ADCK5: variants seen among roughly 807,000 people sequenced by gnomAD.
ADCK5 encodes the protein aarF domain containing kinase 5.
In ADCK5, 43 loss-of-function variants were observed where a neutral mutation model predicts 64.9. The ratio of observed to expected loss-of-function variants is 0.66; its 90% CI spans 0.52 to 0.85. ADCK5 has a LOEUF of 0.85. ADCK5 is among the 40% of genes least tolerant of loss of function. ADCK5 has a pLI of 0.00. For synonymous variants in ADCK5, 434 were observed against 342.8 expected, an observed-to-expected ratio of 1.27 and a Z score of -2.94; for missense variants, 760 against 810.5, an observed-to-expected ratio of 0.94 and a Z score of 0.76.
intron 1 of ADCK5, among the ~76,000 whole-genome samples, chr8:144,377,848 G>A (rs1211837650): frequency 6.6e-6 from 1 of 152,222 alleles, no homozygotes; most frequent in Non-Finnish European, 1.5e-5. Context: ...TGATTCCATG[G>A]CTGGGCACTG....
intron 2 of ADCK5, among the ~76,000 whole-genome samples, chr8:144,381,811 AACAGATGTGTGCTCAGGCCC>A: frequency 1.3e-5 from 1 of 78,946 alleles, no homozygotes; most frequent in East Asian, 4.8e-4. Context: ...CGGGTGTAGA[AACAGATGTGTGCTCAGGCCC>A]CTGCTGCACT....
In ADCK5 at chr8:144,376,464, C is replaced by T. The variant is rs1183789846; in HGVS notation, c.12+2357C>T. On this transcript the variant is annotated intron_variant, in intron 1 of 14. Coordinates refer to ENST00000308860, the MANE Select transcript of ADCK5 (RefSeq NM_174922.5). This position sits in a 1 kb window ranked among gnomAD's most constrained non-coding sequence, Gnocchi z 5.1. ...TAGGGTGATGGTGGCCCGGGGTCTACTGGAGGGATCTCTGTCCTGGATAAG... is the reference window on the plus strand; with the variant it reads ...TAGGGTGATGGTGGCCCGGGGTCTATTGGAGGGATCTCTGTCCTGGATAAG... Among the ~76,000 whole-genome samples, 1 of 152,166 alleles carries T rather than the reference C, an allele frequency of 6.6e-6. No homozygotes were observed. Among genetic ancestry groups the T allele is most frequent in the Non-Finnish European group, 1.5e-5 (1 of 68,026 alleles).
chr8:144,389,659 G>C (rs1055178607), intron 3 of ADCK5, among the ~76,000 whole-genome samples: 6 of 152,094 alleles, frequency 3.9e-5, no homozygotes, highest in African/African-American at 1.4e-4. Context: ...AGCCTCCTGA[G>C]TAGCTGGCAC....
chr8:144,392,892 G>A lies in ADCK5; in HGVS notation c.1637G>A (p.Arg546Lys). 2 of 1,601,582 alleles carry A rather than the reference G, an allele frequency of 1.2e-6. No individual in the cohort carries two copies. The highest frequency in any genetic ancestry group is 2.2e-5 in the South Asian group (2 of 89,940). ...ATGCTCAAGTTTGAAGTGGCGCTCA[G>A]GTGAGTGGCCGCGGGGCAGGTGGGT... ...WEMLKFEVAL[R>K]LETLAMRLTA... The change falls in exon 14 of 15, where the codon AGG (arginine) becomes AAG (lysine). Residue 546 changes from arginine to lysine, a missense_variant and splice_region_variant. By Grantham distance (26) the Arg-to-Lys change is conservative. Around this residue, in one of 2 missense-constraint regions of ADCK5, gnomAD observed 333 missense variants for 292.0 expected, o/e 1.14. Coordinates refer to ENST00000308860, the MANE Select transcript of ADCK5 (RefSeq NM_174922.5).
At position 144,391,578 on chromosome 8, in the gene ADCK5, A is replaced by G; in HGVS notation, c.799-2A>G. 6.3e-7 allele frequency: 1 copy of G among 1,580,212 alleles called. No individual in the cohort carries two copies. Among genetic ancestry groups the G allele is most frequent in the Non-Finnish European group, 8.6e-7 (1 of 1,168,636 alleles). On this transcript the variant is annotated splice_acceptor_variant, in intron 7 of 14. Coordinates refer to ENST00000308860, the MANE Select transcript of ADCK5 (RefSeq NM_174922.5). LOFTEE classifies it high-confidence loss of function. The stretch of plus-strand genomic sequence containing the variant: ...GGTCTTCAACCGCCATCTGGCCCCC[A>G]GGACCTGAAGGGGACCCTGGCCCAG...
At chr8:144,374,808 GC>G (rs1304981353) in intron 1 of ADCK5, among the ~76,000 whole-genome samples, 2 of 152,150 alleles carry the variant, frequency 1.3e-5, no homozygotes, top group Non-Finnish European at 2.9e-5. Flanking sequence ...TGGCTCCGAG[GC>G]CCCCTCTCTC....
chr8:144,378,472 C>G (rs569562504), intron 1 of ADCK5, among the ~76,000 whole-genome samples: 2 of 151,982 alleles, frequency 1.3e-5, no homozygotes, highest in Admixed American at 6.6e-5. Context: ...CTCTCTCCGC[C>G]CCCCCCACTG....
intron 1 of ADCK5, among the ~76,000 whole-genome samples, chr8:144,378,036 A>G (rs1819443325): frequency 6.6e-6 from 1 of 152,236 alleles, no homozygotes; most frequent in African/African-American, 2.4e-5. Context: ...CTCTTCCTGC[A>G]GAGACTGAGG....
Position 144,391,664 on chromosome 8 carries a change from T to C in ADCK5, c.883T>C (p.Phe295Leu). The change falls in exon 8 of 15, where the codon TTC (phenylalanine) becomes CTC (leucine). Residue 295 changes from phenylalanine to leucine, a missense_variant. Physicochemically the swap from Phe to Leu is conservative, Grantham distance 22 (BLOSUM62 0). Coordinates refer to ENST00000308860, the MANE Select transcript of ADCK5 (RefSeq NM_174922.5). The part of the protein sequence containing the change: ...AERCARELAH[F>L]PYVVVPRVHW... ...GCGCTGTGCGCGGGAGCTGGCGCACTTCCCCTACGTCGTGGTGCCCCGCGT... is the reference window on the plus strand; with the variant it reads ...GCGCTGTGCGCGGGAGCTGGCGCACCTCCCCTACGTCGTGGTGCCCCGCGT... 1.3e-6 allele frequency: 2 copies of C among 1,544,142 alleles called. No individual in the cohort carries two copies. Among genetic ancestry groups the C allele is most frequent in the Non-Finnish European group, 8.7e-7 (1 of 1,148,848 alleles).
chr8:144,373,189 G>A (rs1819218004), upstream of ADCK5: 2 of 152,910 alleles, frequency 1.3e-5, no homozygotes, highest in African/African-American at 4.8e-5. Flanking sequence ...GGGTCTAGGA[G>A]GGCTTGCAGG....
intron 1 of ADCK5, among the ~76,000 whole-genome samples, chr8:144,377,029 A>G (rs1554857269): frequency 6.6e-6 from 1 of 152,214 alleles, no homozygotes; most frequent in African/African-American, 2.4e-5. Context: ...GCTCTGGCCA[A>G]AAACCAGCTG....
Position 144,391,446 on chromosome 8 carries a change from C to G in ADCK5, c.770C>G (p.Pro257Arg), listed in dbSNP as rs1554860552. Reference protein sequence around the residue: ...LLLRLVEVMHPSFGFSWVLQD... With the variant: ...LLLRLVEVMHRSFGFSWVLQD... ...CTGCGGCTCGTTGAGGTCATGCACC[C>G]CAGCTTTGGCTTCAGCTGGGTCCTC... is the stretch of plus-strand genomic sequence containing the variant. The change falls in exon 7 of 15, where the codon CCC (proline) becomes CGC (arginine). Residue 257 changes from proline to arginine, a missense_variant. Pro to Arg is a moderately radical substitution (Grantham distance 103). Transcript: ENST00000308860. The G allele has an allele frequency of 1.2e-6, 2 of 1,612,196 alleles. No homozygotes were observed. Among genetic ancestry groups the G allele is most frequent in the Admixed American group, 1.7e-5 (1 of 59,946 alleles).
intron 2 of ADCK5, among the ~76,000 whole-genome samples, chr8:144,380,419 C>A (rs1819557868): frequency 6.7e-6 from 1 of 150,096 alleles, no homozygotes; most frequent in Non-Finnish European, 1.5e-5. Context: ...CAGATGTGTG[C>A]TCAGGCACCT....
At chr8:144,390,432 T>A (rs1306299984) in intron 3 of ADCK5, among the ~76,000 whole-genome samples, 1 of 152,170 alleles carries the variant, frequency 6.6e-6, no homozygotes, top group Non-Finnish European at 1.5e-5. Context: ...CCTGGCCCCG[T>A]TCTACTGATC....
chr8:144,379,678 G>A (rs2130691536), intron 2 of ADCK5, among the ~76,000 whole-genome samples, 188 bp downstream of exon 2: 1 of 152,342 alleles, frequency 6.6e-6, no homozygotes, highest in Non-Finnish European at 1.5e-5. Context: ...ATGGGACCGT[G>A]CTCAGGGGTG....
At chr8:144,373,629 G>T (rs1184305134), upstream of ADCK5, among the ~76,000 whole-genome samples, 4 of 152,228 alleles carry the variant, frequency 2.6e-5, no homozygotes, top group Non-Finnish European at 5.9e-5. Context: ...AGTCAGGGGC[G>T]TCATCTTGGC....
At chr8:144,385,454 G>T (rs1819874792) in intron 3 of ADCK5, among the ~76,000 whole-genome samples, 1 of 150,892 alleles carries the variant, frequency 6.6e-6, no homozygotes, top group Non-Finnish European at 1.5e-5. Flanking sequence ...AAAGTGCTGG[G>T]ATTACAGGTG....
intron 2 of ADCK5, among the ~76,000 whole-genome samples, chr8:144,380,117 C>A (rs1326057109): frequency 6.6e-6 from 1 of 152,210 alleles, no homozygotes; most frequent in African/African-American, 2.4e-5. Context: ...GGTGCTCAGG[C>A]GCCTGCGGCT....
At position 144,392,897 on chromosome 8, in the gene ADCK5, G is replaced by A; in HGVS notation, c.1637+5G>A. On this transcript the variant is annotated splice_donor_5th_base_variant and intron_variant, in intron 14 of 14. Transcript: ENST00000308860. ...CAAGTTTGAAGTGGCGCTCAGGTGA[G>A]TGGCCGCGGGGCAGGTGGGTGGCGG... 1.2e-6 allele frequency: 2 copies of A among 1,600,544 alleles called. No homozygotes were observed. The highest frequency in any genetic ancestry group is 1.1e-5 in the South Asian group (1 of 89,756).
Sources: gnomAD v4.1 joint callset for allele counts (sites outside exome capture counted in the v4.1 genomes callset) on GRCh38, gnomAD v4.1.1 for gene constraint, gnomAD v4.1.1 regional missense constraint, Gnocchi (gnomAD v3.1) non-coding constraint, MANE v1.5 for transcripts, NCBI Gene and HGNC (gene_info 2026-07-23, HGNC 2026-07-21) for gene names.